ANKRD30BL: variants seen among roughly 807,000 people sequenced by gnomAD.
ANKRD30BL encodes the protein putative ankyrin repeat domain-containing protein 30B-like.
In ANKRD30BL, 20 loss-of-function variants were observed where a neutral mutation model predicts 18.4. The ratio of observed to expected loss-of-function variants is 1.09; its 90% CI spans 0.77 to 1.58. The LOEUF is 1.58. ANKRD30BL is among the 40% of genes most tolerant of loss of function. ANKRD30BL has a pLI of 0.00. For synonymous variants in ANKRD30BL, 72 were observed against 100.9 expected (o/e 0.71, Z 1.72); for missense variants, 224 against 268.6 (o/e 0.83, Z 1.16).
intron 1 of ANKRD30BL, among the ~76,000 whole-genome samples, chr2:132,188,857 A>G (rs1383588001): frequency 6.6e-6 from 1 of 152,236 alleles, no homozygotes; most frequent in Non-Finnish European, 1.5e-5. Context: ...TGGTTCTACT[A>G]CATACATCAG....
chr2:132,236,774 G>T (rs1680162786), intron 1 of ANKRD30BL, among the ~76,000 whole-genome samples: 1 of 151,802 alleles, frequency 6.6e-6, no homozygotes, highest in Admixed American at 6.6e-5. Flanking sequence ...CCCATTACTG[G>T]GTATATACCC....
intron 1 of ANKRD30BL, among the ~76,000 whole-genome samples, chr2:132,187,172 G>GTT (rs1407000925): frequency 1.9e-4 from 15 of 80,262 alleles, no homozygotes; most frequent in African/African-American, 3.9e-4. Context: ...GAAGTTTTTT[G>GTT]TTTTTTTTTT....
chr2:132,246,047 C>T (rs1419076851), intron 1 of ANKRD30BL, among the ~76,000 whole-genome samples: 1 of 151,552 alleles, frequency 6.6e-6, no homozygotes, highest in African/African-American at 2.4e-5. Context: ...TTTGATACAG[C>T]AGTTTTGAAA....
chr2:132,158,363 GA>G (rs1687967650), intron 1 of ANKRD30BL, among the ~76,000 whole-genome samples: 1 of 151,966 alleles, frequency 6.6e-6, no homozygotes, highest in Non-Finnish European at 1.5e-5. Context: ...TAAATTTATA[GA>G]ATGCATGTAA....
At chr2:132,208,859 G>T (rs982109404) in intron 1 of ANKRD30BL, among the ~76,000 whole-genome samples, 3 of 151,772 alleles carry the variant, frequency 2.0e-5, no homozygotes, top group Admixed American at 6.6e-5. Flanking sequence ...CAAGAAAGAA[G>T]CATTCTGAGA....
At chr2:132,253,003 G>C (rs1331779339) in intron 1 of ANKRD30BL, among the ~76,000 whole-genome samples, 5 of 152,196 alleles carry the variant, frequency 3.3e-5, no homozygotes, top group Non-Finnish European at 7.3e-5. Flanking sequence ...AGGGCCGCAG[G>C]GGGAGGGGGA....
At chr2:132,168,973 T>C (rs1688232807) in intron 1 of ANKRD30BL, among the ~76,000 whole-genome samples, 1 of 152,066 alleles carries the variant, frequency 6.6e-6, no homozygotes, top group Non-Finnish European at 1.5e-5. Flanking sequence ...TATCTTTTTC[T>C]ATGCTTATTT....
intron 1 of ANKRD30BL, among the ~76,000 whole-genome samples, chr2:132,252,922 G>A (rs1274873781): frequency 6.6e-5 from 10 of 152,078 alleles, no homozygotes; most frequent in African/African-American, 7.2e-5. Flanking sequence ...CATGGGTGGC[G>A]GTGCTGCCCT....
At chr2:132,256,957 G>C in intron 1 of ANKRD30BL, 1 of 504,512 alleles carries the variant, frequency 2.0e-6, no homozygotes, top group Non-Finnish European at 4.0e-6. Flanking sequence ...CAGAGGGGCG[G>C]CTCGGGGAGA....
chr2:132,167,351 G>C (rs1405743129), intron 1 of ANKRD30BL, among the ~76,000 whole-genome samples: 1 of 127,940 alleles, frequency 7.8e-6, no homozygotes, highest in Non-Finnish European at 1.6e-5. Context: ...TTTTGAGATA[G>C]AGCCTCACTC....
chr2:132,256,143 G>A (rs909343277), intron 1 of ANKRD30BL, among the ~76,000 whole-genome samples: 20 of 152,348 alleles, frequency 1.3e-4, no homozygotes, highest in Admixed American at 3.9e-4. Context: ...ACTTAGACAT[G>A]TATGGCTTAA....
intron 1 of ANKRD30BL, among the ~76,000 whole-genome samples, chr2:132,212,777 C>T (rs1679391161): frequency 6.6e-6 from 1 of 151,676 alleles, no homozygotes; most frequent in African/African-American, 2.4e-5. Flanking sequence ...ATTTGGAGCT[C>T]TTTGTAGCCT....
At chr2:132,222,085 C>G (rs185073579) in intron 1 of ANKRD30BL, among the ~76,000 whole-genome samples, 9,595 of 106,024 alleles carry the variant, frequency 0.09, 1,616 homozygotes, top group African/African-American at 0.35. Flanking sequence ...GGAGGGAGGT[C>G]GGGGGGTCAG....
intron 1 of ANKRD30BL, among the ~76,000 whole-genome samples, chr2:132,254,884 C>G (rs78878431): frequency 6.6e-6 from 1 of 152,330 alleles, no homozygotes; most frequent in African/African-American, 2.4e-5. Flanking sequence ...CACCACCACC[C>G]GTGGAATCGA....
At chr2:132,211,087 G>A (rs137891326) in intron 1 of ANKRD30BL, among the ~76,000 whole-genome samples, 1 of 150,058 alleles carries the variant, frequency 6.7e-6, no homozygotes, top group Admixed American at 6.7e-5. Context: ...ATTTTGAGAA[G>A]CTCCTTTGTG....
chr2:132,180,008 A>T (rs554788813), intron 1 of ANKRD30BL, among the ~76,000 whole-genome samples: 1 of 152,310 alleles, frequency 6.6e-6, no homozygotes, highest in South Asian at 2.1e-4. Context: ...TAAAAAAATT[A>T]CAGTAAGCTA....
At chr2:132,256,882 G>A in intron 1 of ANKRD30BL, 1 of 445,966 alleles carries the variant, frequency 2.2e-6, no homozygotes, top group Non-Finnish European at 4.5e-6. Flanking sequence ...AGGATCCGCG[G>A]GCAGGGTGGG....
intron 1 of ANKRD30BL, among the ~76,000 whole-genome samples, chr2:132,157,909 C>T (rs1368487285): frequency 6.6e-6 from 1 of 152,042 alleles, no homozygotes; most frequent in African/African-American, 2.4e-5. Flanking sequence ...ACAATTATGC[C>T]TAATTTGTGG....
chr2:132,187,092 A>C (rs1444922738), intron 1 of ANKRD30BL, among the ~76,000 whole-genome samples: 3 of 151,890 alleles, frequency 2.0e-5, no homozygotes, highest in East Asian at 3.9e-4. Context: ...CAGAATGAAA[A>C]CAGGCAGCTA....
Sources: gnomAD v4.1 joint callset for allele counts (sites outside exome capture counted in the v4.1 genomes callset) on GRCh38, gnomAD v4.1.1 for gene constraint, MANE v1.5 for transcripts, NCBI Gene and HGNC (gene_info 2026-07-23, HGNC 2026-07-21) for gene names.